Variants in DNAH17 observed in about 807,000 individuals in gnomAD.
The protein encoded by DNAH17 is axonemal beta dynein heavy chain 17.
A neutral mutation model predicts 485.6 loss-of-function variants in DNAH17; 376 were observed. That is an observed-to-expected ratio of 0.77 (90% CI 0.71 to 0.84). The LOEUF (loss-of-function observed/expected upper bound fraction) is 0.84, where lower values mean the gene tolerates loss of function less well. Ranked by LOEUF, DNAH17 falls within the 40% of genes least tolerant of loss-of-function variation. The pLI, the probability that DNAH17 is intolerant of heterozygous loss-of-function variation, is 0.00. For missense variants in DNAH17, 6,370 were observed against 5,839.3 expected (o/e 1.09, Z -2.96); for synonymous variants, 3,031 against 2,405.9 (o/e 1.26, Z -7.60).
chr17:78,543,446 G>T (rs944116377), intron 17 of DNAH17, among the ~76,000 whole-genome samples: 2 of 152,056 alleles, frequency 1.3e-5, no homozygotes, highest in African/African-American at 4.8e-5. Flanking sequence ...GCCCGCCACC[G>T]CGCCCGGCTA....
chr17:78,561,872 T>C lies in DNAH17; in HGVS notation c.1678A>G (p.Lys560Glu), dbSNP rs1413889049. 1.2e-6 allele frequency: 2 copies of C among 1,613,928 alleles called. No homozygotes were observed. The highest frequency in any genetic ancestry group is 8.5e-7 in the Non-Finnish European group (1 of 1,179,858). The change falls in exon 12 of 81, where the codon AAG (lysine) becomes GAG (glutamate). Residue 560 changes from lysine (K) to glutamate (E), a missense_variant. Coordinates refer to ENST00000389840, the MANE Select transcript of DNAH17 (RefSeq NM_173628.4). Reference protein sequence around the residue: ...ELFDAELDNAKILYDAQMAAS... With the variant: ...ELFDAELDNAEILYDAQMAAS... ...GCCATCTGGGCATCGTACAAGATCT[T>C]AGCATTGTCTAGCTCAGCGTCAAAC...
intron 20 of DNAH17, among the ~76,000 whole-genome samples, chr17:78,531,970 G>A (rs2091252069): frequency 6.6e-6 from 1 of 152,164 alleles, no homozygotes; most frequent in South Asian, 2.1e-4. Flanking sequence ...ATTCACCTGG[G>A]GGTGTGGTTT....
At chr17:78,513,804 T>C (rs1327797496) in intron 26 of DNAH17, among the ~76,000 whole-genome samples, 1 of 152,206 alleles carries the variant, frequency 6.6e-6, no homozygotes, top group African/African-American at 2.4e-5. Flanking sequence ...CTAAGATGGA[T>C]AGATGGAAAA....
At chr17:78,429,824 C>CT (rs1381686843) in intron 75 of DNAH17, among the ~76,000 whole-genome samples, 1 of 152,202 alleles carries the variant, frequency 6.6e-6, no homozygotes, top group Non-Finnish European at 1.5e-5. Flanking sequence ...TCAGATGCAT[C>CT]TGGTGAGTCT....
In DNAH17 at chr17:78,427,048, T is replaced by G; in HGVS notation, c.12649A>C (p.Ile4217Leu). Residue 4217 changes from isoleucine to leucine, a missense_variant, in exon 78 of 81, where the codon ATC becomes CTC. Ile to Leu is a conservative substitution (Grantham distance 5, BLOSUM62 2). Coordinates refer to ENST00000389840, the MANE Select transcript of DNAH17 (RefSeq NM_173628.4). ...KIPETFNMAE[I>L]MAKAAEKTPY... is the part of the protein sequence containing the mutation. ...GTCTTTTCCGCTGCCTTTGCCATGA[T>G]CTCAGCCATGTTGAAAGTCTCCGGA... 1 of 1,601,480 alleles carries G rather than the reference T, an allele frequency of 6.2e-7. No homozygotes were observed. Among genetic ancestry groups the G allele is most frequent in the Non-Finnish European group, 8.5e-7 (1 of 1,174,206 alleles).
Position 78,466,707 on chromosome 17 carries a change from T to C in DNAH17, c.8888A>G (p.Asp2963Gly). Residue 2963 changes from aspartate to glycine, a missense_variant, in exon 56 of 81, where the codon GAT becomes GGT. Transcript: ENST00000389840. ...GCGGGCGCTGACGGACACCAGCGCA[T>C]CTTCCGGCCACTCGTGGAACCAGTC... ...AIDWFHEWPEDALVSVSARFL... is the reference protein window; with the variant it reads ...AIDWFHEWPEGALVSVSARFL... 1 of 1,612,510 alleles carries C rather than the reference T, an allele frequency of 6.2e-7. No individual in the cohort carries two copies. Among genetic ancestry groups the C allele is most frequent in the South Asian group, 1.1e-5 (1 of 90,902 alleles).
intron 51 of DNAH17, among the ~76,000 whole-genome samples, chr17:78,477,253 G>T (rs966584974): frequency 2.0e-5 from 3 of 152,210 alleles, no homozygotes; most frequent in African/African-American, 7.2e-5. Flanking sequence ...GGTACACAAA[G>T]AAATAAGGTA....
intron 56 of DNAH17, among the ~76,000 whole-genome samples, chr17:78,463,399 T>C (rs527947942): frequency 3.8e-4 from 58 of 152,376 alleles, no homozygotes; most frequent in Admixed American, 3.1e-3. Context: ...TATATACGCG[T>C]GCACACGCAT....
chr17:78,548,288 T>G (rs777101952), intron 16 of DNAH17, among the ~76,000 whole-genome samples: 100 of 135,044 alleles, frequency 7.4e-4, no homozygotes, highest in Non-Finnish European at 1.2e-4. Context: ...CACTGCAAGC[T>G]CCGCCTCCTG....
intron 22 of DNAH17, among the ~76,000 whole-genome samples, chr17:78,528,818 G>A (rs950081783): frequency 6.6e-6 from 1 of 151,950 alleles, no homozygotes; most frequent in African/African-American, 2.4e-5. Context: ...TGCCAGCCCC[G>A]CCCCCTTCAG....
chr17:78,546,755 A>G (rs150332396), intron 16 of DNAH17, among the ~76,000 whole-genome samples: 21 of 152,230 alleles, frequency 1.4e-4, no homozygotes, highest in Admixed American at 2.6e-4. Flanking sequence ...AAAATACAAA[A>G]ATTTACCAGG....
intron 38 of DNAH17, 102 bp from the exon 39 acceptor site, chr17:78,495,199 G>A: frequency 7.2e-7 from 1 of 1,394,078 alleles, no homozygotes; most frequent in South Asian, 1.4e-5. Flanking sequence ...CGACTGCCAG[G>A]TAGACCACAG....
intron 54 of DNAH17, among the ~76,000 whole-genome samples, chr17:78,473,020 G>A (rs539971906): frequency 1.3e-5 from 2 of 152,274 alleles, no homozygotes; most frequent in African/African-American, 4.8e-5. Flanking sequence ...CCTTTCCTGT[G>A]CACCCCTAGC....
chr17:78,539,408 C>T (rs555797756), intron 18 of DNAH17, among the ~76,000 whole-genome samples: 7 of 152,062 alleles, frequency 4.6e-5, no homozygotes, highest in Admixed American at 1.3e-4. Flanking sequence ...GACCCTCCCC[C>T]CAATCCACAT....
At chr17:78,515,151 GAGA>G in intron 25 of DNAH17, 129 bp from the exon 26 acceptor site, 1 of 1,081,884 alleles carries the variant, frequency 9.2e-7, no homozygotes, top group Non-Finnish European at 1.3e-6. Flanking sequence ...ACTAATACCC[GAGA>G]TCAGTAAAGT....
chr17:78,527,328 T>A (rs7222380), intron 22 of DNAH17, among the ~76,000 whole-genome samples: 86,663 of 151,892 alleles, frequency 0.57, 25,337 homozygotes, highest in African/African-American at 0.69. Context: ...CAGAGGCTAC[T>A]GTGAGCAAGA....
chr17:78,535,768 T>C (rs1370286299), intron 19 of DNAH17, among the ~76,000 whole-genome samples: 3 of 152,184 alleles, frequency 2.0e-5, no homozygotes, highest in African/African-American at 7.2e-5. Context: ...ATTCTAAACA[T>C]TGTTCTGTAA....
Position 78,465,578 on chromosome 17 carries a change from C to T in DNAH17, c.8940+1077G>A, listed in dbSNP as rs1276622214. The stretch of plus-strand genomic sequence containing the variant: ...TGAGATGTGGGGAGCGCCTCTGCCC[C>T]GCCGCCCCATCTGGGATGTGAGGAG... On this transcript the variant is annotated intron_variant, in intron 56 of 80. Transcript: ENST00000389840. Among the ~76,000 whole-genome samples, 474 of 145,356 alleles carry T rather than the reference C, an allele frequency of 3.3e-3. 7 individuals are homozygous for T. The highest frequency in any genetic ancestry group is 0.012 in the African/African-American group (453 of 39,142).
At chr17:78,471,199 ATC>A (rs891228727) in intron 54 of DNAH17, among the ~76,000 whole-genome samples, 35 of 152,314 alleles carry the variant, frequency 2.3e-4, no homozygotes, top group African/African-American at 6.7e-4. Flanking sequence ...ACTCCCTGAA[ATC>A]TCTCTGTTCA....
Sources: allele counts gnomAD v4.1 joint callset (sites outside exome capture counted in the v4.1 genomes callset), GRCh38; gene constraint gnomAD v4.1.1; transcripts MANE v1.5; gene names NCBI Gene and HGNC (gene_info 2026-07-23, HGNC 2026-07-21).